SLC44A5: variants seen among roughly 807,000 people sequenced by gnomAD.
The protein encoded by SLC44A5 is solute carrier family 44 member 5, also known as choline transporter-like protein 5.
A neutral mutation model predicts 101.8 loss-of-function variants in SLC44A5; 57 were observed. The observed-to-expected ratio is 0.56, with a 90% CI of 0.45 to 0.70. SLC44A5 has a LOEUF of 0.70. SLC44A5 is among the 30% of genes least tolerant of loss of function. The pLI, the probability that SLC44A5 is intolerant of heterozygous loss-of-function variation, is 0.00. For missense variants in SLC44A5, 737 were observed against 853.1 expected (o/e 0.86, Z 1.70); for synonymous variants, 281 against 290.9 (o/e 0.97, Z 0.35).
At chr1:75,249,843 CACTT>C (rs1649414130) in intron 7 of SLC44A5, among the ~76,000 whole-genome samples, 1 of 152,118 alleles carries the variant, frequency 6.6e-6, no homozygotes, top group Admixed American at 6.6e-5. Flanking sequence ...ATAGAAGACA[CACTT>C]AACTATTCAT....
intron 3 of SLC44A5, among the ~76,000 whole-genome samples, chr1:75,366,634 C>T (rs969443011): frequency 2.0e-5 from 3 of 152,090 alleles, no homozygotes; most frequent in African/African-American, 7.2e-5. Flanking sequence ...TCTCTCATTT[C>T]TTGTTATGAA....
At chr1:75,325,786 T>G (rs982818736) in intron 4 of SLC44A5, among the ~76,000 whole-genome samples, 2 of 150,238 alleles carry the variant, frequency 1.3e-5, no homozygotes, top group Non-Finnish European at 3.0e-5. Flanking sequence ...GTGTAGAGTA[T>G]CCCTTATCCA....
At chr1:75,462,739 G>A (rs890501125) in intron 2 of SLC44A5, among the ~76,000 whole-genome samples, 1 of 152,052 alleles carries the variant, frequency 6.6e-6, no homozygotes, top group Admixed American at 6.6e-5. Flanking sequence ...AAGTGCAATT[G>A]ACATACTGAA....
chr1:75,606,062 C>T (rs1171317058), intron 1 of SLC44A5, among the ~76,000 whole-genome samples: 2 of 151,912 alleles, frequency 1.3e-5, no homozygotes, highest in Non-Finnish European at 2.9e-5. Context: ...TAAAATTGCC[C>T]CTGGTTGAGA....
intron 19 of SLC44A5, 71 bp from the exon 20 acceptor site, chr1:75,214,749 A>G: frequency 1.6e-6 from 2 of 1,218,372 alleles, no homozygotes; most frequent in South Asian, 1.3e-5. Context: ...CAATCCAATG[A>G]CAGGAAGGTA....
At chr1:75,521,504 C>T (rs1205837137) in intron 2 of SLC44A5, 1 of 152,146 alleles carries the variant, frequency 6.6e-6, no homozygotes, top group Non-Finnish European at 1.5e-5. Context: ...TTTGTGAAAA[C>T]AGTTTAAAAA....
At chr1:75,349,213 C>T (rs1658462435) in intron 3 of SLC44A5, among the ~76,000 whole-genome samples, 1 of 152,128 alleles carries the variant, frequency 6.6e-6, no homozygotes, top group African/African-American at 2.4e-5. Flanking sequence ...GCAGTGCACA[C>T]CTGTAGTCCC....
chr1:75,427,780 G>T (rs193101618), intron 2 of SLC44A5, among the ~76,000 whole-genome samples: 91 of 152,282 alleles, frequency 6.0e-4, no homozygotes, highest in African/African-American at 2.1e-3. Context: ...AAATGATTAA[G>T]ACAGTACCTA....
chr1:75,702,654 C>T, the SLC44A5 span, among the ~76,000 whole-genome samples: 3 of 152,140 alleles, frequency 2.0e-5, no homozygotes, highest in Admixed American at 6.5e-5. Flanking sequence ...CCAAAATTGA[C>T]AAATGGGATC....
At chr1:75,608,610 T>G (rs1187805459) in intron 1 of SLC44A5, among the ~76,000 whole-genome samples, 1 of 152,070 alleles carries the variant, frequency 6.6e-6, no homozygotes, top group Non-Finnish European at 1.5e-5. Context: ...AAGTTTAATA[T>G]AATTTAGTCT....
intron 1 of SLC44A5, chr1:75,582,413 C>G (rs1384037477): frequency 4.2e-6 from 3 of 719,886 alleles, no homozygotes; most frequent in Non-Finnish European, 4.8e-6. Flanking sequence ...GCTTGGGAAG[C>G]ATGATCATGC....
At chr1:75,484,271 C>T (rs183259108) in intron 2 of SLC44A5, among the ~76,000 whole-genome samples, 2 of 152,336 alleles carry the variant, frequency 1.3e-5, no homozygotes, top group Non-Finnish European at 2.9e-5. Context: ...AAGTTAGTTA[C>T]TTCCAAGATG....
chr1:75,602,356 G>A (rs141568258), intron 1 of SLC44A5, among the ~76,000 whole-genome samples: 93 of 152,084 alleles, frequency 6.1e-4, no homozygotes, highest in Admixed American at 2.8e-3. Context: ...AATACAAGTT[G>A]GTGTGTAGGA....
the SLC44A5 span, among the ~76,000 whole-genome samples, chr1:75,651,300 C>A: frequency 1.3e-5 from 2 of 152,138 alleles, no homozygotes; most frequent in Non-Finnish European, 1.5e-5. Flanking sequence ...TTTCTCTTGA[C>A]CCTGTAGCTA....
At chr1:75,509,696 G>A (rs1669459863) in intron 2 of SLC44A5, among the ~76,000 whole-genome samples, 1 of 152,172 alleles carries the variant, frequency 6.6e-6, no homozygotes, top group South Asian at 2.1e-4. Flanking sequence ...TTTATTGAAT[G>A]CTAACTATGT....
intron 13 of SLC44A5, among the ~76,000 whole-genome samples, chr1:75,225,849 T>G (rs1371269771): frequency 6.6e-6 from 1 of 152,186 alleles, no homozygotes; most frequent in Non-Finnish European, 1.5e-5. Context: ...ATCTCTTTAC[T>G]TTTCCAATGG....
intron 2 of SLC44A5, among the ~76,000 whole-genome samples, chr1:75,413,941 G>A (rs1663452410): frequency 6.6e-6 from 1 of 152,134 alleles, no homozygotes; most frequent in African/African-American, 2.4e-5. Context: ...TCCCTTGGCT[G>A]TTGTCTTACT....
rs528243398 is a variant in SLC44A5 at position 75,468,851 on chromosome 1, T to C, written c.14-72230A>G. On this transcript the variant is annotated intron_variant, in intron 2 of 23. Coordinates refer to ENST00000370859, the MANE Select transcript of SLC44A5 (RefSeq NM_001130058.2). ...ATTTGATTATTAGTGACCCAAGAGA[T>C]AAATGTTTGAGGGGATGGATACACC... 2.0e-5 allele frequency among the ~76,000 whole-genome samples: 3 copies of C among 152,276 alleles called. No individual in the cohort carries two copies. The East Asian group carries it at 5.8e-4, about 29-fold the overall frequency.
At chr1:75,669,971 A>C in the SLC44A5 span, among the ~76,000 whole-genome samples, 1,821 of 152,308 alleles carry the variant, frequency 0.012, 34 homozygotes, top group African/African-American at 0.043. Flanking sequence ...AACCTATTTA[A>C]AAATGTATAA....
Sources: gnomAD v4.1 joint callset for allele counts (sites outside exome capture counted in the v4.1 genomes callset) on GRCh38, gnomAD v4.1.1 for gene constraint, MANE v1.5 for transcripts, NCBI Gene and HGNC (gene_info 2026-07-23, HGNC 2026-07-21) for gene names.